The following SLC15A2 variants were observed in gnomAD, a reference collection of about 807,000 sequenced individuals.
The protein encoded by SLC15A2 is solute carrier family 15 member 2.
SLC15A2 carries 77 observed loss-of-function variants against 95.5 expected under a neutral mutation model. That is an observed-to-expected ratio of 0.81 (90% CI 0.67 to 0.97). The LOEUF is 0.97. SLC15A2 is among the 50% of genes least tolerant of loss of function. The pLI, the probability that SLC15A2 is intolerant of heterozygous loss-of-function variation, is 0.00. For synonymous variants in SLC15A2, 306 were observed against 306.9 expected, an observed-to-expected ratio of 1.00 and a Z score of 0.03; for missense variants, 893 against 874.4, an observed-to-expected ratio of 1.02 and a Z score of -0.27.
intron 4 of SLC15A2, among the ~76,000 whole-genome samples, chr3:121,911,927 C>T (rs528655814): frequency 6.6e-6 from 1 of 152,100 alleles, no homozygotes; most frequent in Non-Finnish European, 1.5e-5. Flanking sequence ...TACATATTCC[C>T]TCACCTTTTT....
rs1462429855 is a variant in SLC15A2, at chr3:121,943,504, T to C, written c.*2497T>C. 6.6e-6 allele frequency: 1 copy of C among 152,206 alleles called. No homozygotes were observed. Among genetic ancestry groups the C allele is most frequent in the Non-Finnish European group, 1.5e-5 (1 of 68,024 alleles). 9.4% of individuals were successfully genotyped at this position (152,206 alleles called of 1,614,324 possible). On this transcript the variant is annotated 3_prime_UTR_variant, in exon 22 of 22. Transcript: ENST00000489711. ...AATATTAAGATATCTTAATATGAAG[T>C]GCCTGGAGTCAAATATAACATTCCA...
rs1709436931 is a variant in SLC15A2, at chr3:121,897,352, T to C, written c.194-36T>C. The C allele has an allele frequency of 3.1e-6, 5 of 1,606,230 alleles. No homozygotes were observed. The African/African-American group carries it at 4.0e-5, about 13-fold the overall frequency. On this transcript the variant is annotated intron_variant, in intron 2 of 21. Coordinates refer to ENST00000489711, the MANE Select transcript of SLC15A2 (RefSeq NM_021082.4). ...GTCACTTTAATGCATCTATCTTGTT[T>C]TGTCTCCCCACGCCTCCTTTTTTTT...
chr3:121,922,180 A>G (rs1710018614), intron 7 of SLC15A2, 40 bp from the exon 8 acceptor site: 2 of 1,549,382 alleles, frequency 1.3e-6, no homozygotes, highest in Non-Finnish European at 8.9e-7. Flanking sequence ...CCAACCTAAT[A>G]AATGAGAAGC....
At position 121,922,171 on chromosome 3, in the gene SLC15A2, C is replaced by T. The variant is rs374036348; in HGVS notation, c.698-49C>T. The T allele has an allele frequency of 4.0e-6, 6 of 1,509,922 alleles. No homozygotes were observed. In the African/African-American group the frequency reaches 8.3e-5, roughly 21 times the overall value. 93.5% of individuals were successfully genotyped at this position (1,509,922 alleles called of 1,614,324 possible). A position where few individuals can be genotyped will look rare whatever the true frequency, so the allele number is the denominator to read the frequency against. ...GGCAAAACTGCAATAACCTTTGCAC[C>T]AACCTAATAAATGAGAAGCTAAGAA... On this transcript the variant is annotated intron_variant, in intron 7 of 21. Transcript: ENST00000489711.
At chr3:121,937,088 T>C (rs1292510492) in intron 19 of SLC15A2, among the ~76,000 whole-genome samples, 41 of 132,578 alleles carry the variant, frequency 3.1e-4, no homozygotes, top group Admixed American at 6.4e-4. Flanking sequence ...TGTTGAATAT[T>C]GGCCCCCACT....
chr3:121,905,443 G>C (rs1709616855), intron 3 of SLC15A2, among the ~76,000 whole-genome samples: 1 of 152,072 alleles, frequency 6.6e-6, no homozygotes, highest in African/African-American at 2.4e-5. Flanking sequence ...GTGATGTTAA[G>C]GTGTCGATTT....
At chr3:121,929,591 G>A (rs1052693383) in intron 17 of SLC15A2, among the ~76,000 whole-genome samples, 2 of 152,012 alleles carry the variant, frequency 1.3e-5, no homozygotes, top group African/African-American at 4.8e-5. Flanking sequence ...AATCCTTTCT[G>A]CTGAATTTTA....
chr3:121,937,831 G>T (rs964137025), intron 19 of SLC15A2, among the ~76,000 whole-genome samples: 10 of 152,182 alleles, frequency 6.6e-5, no homozygotes, highest in African/African-American at 2.4e-4. Flanking sequence ...TTTGGAGGAG[G>T]AGAGGTGCTC....
At chr3:121,934,985 T>G (rs1217932229) in intron 19 of SLC15A2, among the ~76,000 whole-genome samples, 1 of 152,234 alleles carries the variant, frequency 6.6e-6, no homozygotes. Context: ...CGTTGTTGAA[T>G]TTTGTCAAAG....
At chr3:121,935,627 T>G (rs1178097865) in intron 19 of SLC15A2, among the ~76,000 whole-genome samples, 2 of 152,006 alleles carry the variant, frequency 1.3e-5, no homozygotes, top group Non-Finnish European at 1.5e-5. Flanking sequence ...TTATCATTTT[T>G]TATTGCGTCT....
At chr3:121,894,671 G>C in intron 1 of SLC15A2, 90 bp downstream of exon 1, 1 of 827,646 alleles carries the variant, frequency 1.2e-6, no homozygotes. Context: ...CAGCTGAGCT[G>C]TATTAGGGTA....
chr3:121,922,281 TC>T lies in SLC15A2; in HGVS notation c.760del (p.Gln254LysfsTer28). 1 of 1,613,840 alleles carries T rather than the reference TC, an allele frequency of 6.2e-7. No individual in the cohort carries two copies. Among genetic ancestry groups the T allele is most frequent in the Non-Finnish European group, 8.5e-7 (1 of 1,179,806 alleles). On this transcript the variant is annotated frameshift_variant, in exon 8 of 22. Coordinates refer to ENST00000489711, the MANE Select transcript of SLC15A2 (RefSeq NM_021082.4). LOFTEE classifies it high-confidence loss of function. Reference sequence around the variant, plus strand: ...CACCCCCTGAAGGAAACATAGTGGCTCAAGTTTTCAAATGTATCTGGGTAAG... The same window carrying T: ...CACCCCCTGAAGGAAACATAGTGGCTAAGTTTTCAAATGTATCTGGGTAAG... ...KPPPEGNIVA[Q>X]VFKCIWFAIS...
chr3:121,896,269 C>T, intron 1 of SLC15A2, 137 bp from the exon 2 acceptor site: 1 of 686,078 alleles, frequency 1.5e-6, no homozygotes, highest in Non-Finnish European at 2.6e-6. Flanking sequence ...ATAGGTGTGT[C>T]ATGAAGAGTA....
At position 121,905,430 on chromosome 3, in the gene SLC15A2, A is replaced by C. The variant is rs565781349; in HGVS notation, c.336-6144A>C. ...TGCTCTTGCTTCTCTAGTTCTTTTA[A>C]TGGTGATGTTAAGGTGTCGATTTTA... On this transcript the variant is annotated intron_variant, in intron 3 of 21. Coordinates refer to ENST00000489711, the MANE Select transcript of SLC15A2 (RefSeq NM_021082.4). 5.9e-5 allele frequency among the ~76,000 whole-genome samples: 9 copies of C among 152,042 alleles called. No individual in the cohort carries two copies. In the South Asian group the frequency reaches 8.3e-4, roughly 14 times the overall value.
intron 3 of SLC15A2, among the ~76,000 whole-genome samples, chr3:121,907,394 C>T (rs1392910165): frequency 2.0e-5 from 3 of 152,220 alleles, no homozygotes; most frequent in Non-Finnish European, 2.9e-5. Context: ...TGTTCCATTG[C>T]TGGCAAGGAG....
At chr3:121,896,331 CA>C in intron 1 of SLC15A2, 74 bp from the exon 2 acceptor site, 1 of 1,163,352 alleles carries the variant, frequency 8.6e-7, no homozygotes, top group Non-Finnish European at 1.3e-6. Flanking sequence ...ATGAATTTTT[CA>C]GTTTTGAAGA....
At chr3:121,924,250 T>C in intron 11 of SLC15A2, 101 bp from the exon 12 acceptor site, 1 of 948,856 alleles carries the variant, frequency 1.1e-6, no homozygotes, top group South Asian at 1.4e-5. Flanking sequence ...TTTTCTCTCA[T>C]ATGTTTCTCA....
At chr3:121,932,034 G>A (rs1710243898) in intron 19 of SLC15A2, among the ~76,000 whole-genome samples, 1 of 152,100 alleles carries the variant, frequency 6.6e-6, no homozygotes. Context: ...CCGAGTATCT[G>A]GGATTACAGG....
At position 121,896,487 on chromosome 3, in the gene SLC15A2, A is replaced by G; in HGVS notation, c.187A>G (p.Met63Val). Residue 63 changes from methionine to valine, a missense_variant, in exon 2 of 22, where the codon ATG (methionine) becomes GTG (valine). Transcript: ENST00000489711. ...CTGCGAGCGCTTTTCCTATTATGGA[A>G]TGAAAGGTAATTTTGTGTCCAAGAG... The part of the protein sequence containing the change: ...EFCERFSYYG[M>V]KAVLILYFLY... The G allele has an allele frequency of 6.2e-7, 1 of 1,613,646 alleles. No homozygotes were observed.
Sources: allele counts gnomAD v4.1 joint callset (sites outside exome capture counted in the v4.1 genomes callset), GRCh38; gene constraint gnomAD v4.1.1; transcripts MANE v1.5; gene names NCBI Gene and HGNC (gene_info 2026-07-23, HGNC 2026-07-21).